Variants in CFAP61 observed in about 807,000 individuals in gnomAD.
CFAP61 encodes cilia and flagella associated protein 61.
Under a neutral mutation model 135.6 loss-of-function variants are expected in CFAP61, and 107 were observed. The ratio of observed to expected loss-of-function variants is 0.79; its 90% CI spans 0.67 to 0.93. The LOEUF is 0.93. Ranked by LOEUF, CFAP61 falls within the 40% of genes least tolerant of loss-of-function variation. The probability of loss-of-function intolerance (pLI) is 0.00; values close to 1 mark genes in which losing one functional copy is unlikely to be tolerated. For missense variants in CFAP61, 1,507 were observed against 1,556.2 expected (o/e 0.97, Z 0.53); for synonymous variants, 575 against 578.5 (o/e 0.99, Z 0.09).
chr20:20,304,508 C>T (rs1234042584), intron 25 of CFAP61, among the ~76,000 whole-genome samples: 1 of 151,648 alleles, frequency 6.6e-6, no homozygotes, highest in Non-Finnish European at 1.5e-5. Flanking sequence ...TCATGCACAC[C>T]TCACTCACAC....
intron 24 of CFAP61, among the ~76,000 whole-genome samples, chr20:20,297,378 G>A (rs1453919439): frequency 2.6e-5 from 4 of 152,144 alleles, no homozygotes; most frequent in African/African-American, 9.7e-5. Context: ...GTGTACTAAG[G>A]TCAGAGTCTA....
At chr20:20,284,957 C>T (rs1318879670) in intron 22 of CFAP61, among the ~76,000 whole-genome samples, 1 of 152,184 alleles carries the variant, frequency 6.6e-6, no homozygotes, top group African/African-American at 2.4e-5. Context: ...AGCTTCAGAG[C>T]ATTTATTGTA....
In CFAP61 at chr20:20,166,251, C is replaced by T. The variant is rs542470202; in HGVS notation, c.1206-146C>T. The T allele has an allele frequency of 5.0e-5, 32 of 642,736 alleles. No homozygotes were observed. The Admixed American group carries it at 5.7e-4, about 11-fold the overall frequency. 39.8% of individuals were successfully genotyped at this position (642,736 alleles called of 1,614,324 possible). On this transcript the variant is annotated intron_variant, in intron 11 of 26. Coordinates refer to ENST00000245957, the MANE Select transcript of CFAP61 (RefSeq NM_015585.4). Reference sequence around the variant, plus strand: ...ACATACGAAGCTTGCGACTTATGCACCCCATTAGTGTTCACCTAGACACAC... The same window carrying T: ...ACATACGAAGCTTGCGACTTATGCATCCCATTAGTGTTCACCTAGACACAC...
chr20:20,192,373 G>A (rs2055984934), intron 15 of CFAP61, among the ~76,000 whole-genome samples: 2 of 152,040 alleles, frequency 1.3e-5, no homozygotes, highest in African/African-American at 2.4e-5. Context: ...CCTGACTGAT[G>A]GGCACAGCAT....
chr20:20,136,574 T>C (rs1362854352), intron 8 of CFAP61, among the ~76,000 whole-genome samples: 2 of 152,254 alleles, frequency 1.3e-5, no homozygotes, highest in African/African-American at 4.8e-5. Context: ...CTCCAGAATT[T>C]CTGCATTATT....
At chr20:20,357,959 A>T (rs1189112846) in intron 26 of CFAP61, among the ~76,000 whole-genome samples, 1 of 39,940 alleles carries the variant, frequency 2.5e-5, no homozygotes, top group East Asian at 8.0e-4. Context: ...CACTGAGGGG[A>T]GGTGGTCATA....
intron 8 of CFAP61, among the ~76,000 whole-genome samples, chr20:20,101,361 C>T (rs1319758843): frequency 6.6e-6 from 1 of 152,142 alleles, no homozygotes; most frequent in East Asian, 1.9e-4. Flanking sequence ...TATGTAATCT[C>T]ATGTTATCCT....
At chr20:20,181,600 A>C (rs763966882) in intron 13 of CFAP61, among the ~76,000 whole-genome samples, 4 of 152,074 alleles carry the variant, frequency 2.6e-5, no homozygotes, top group Non-Finnish European at 5.9e-5. Context: ...CGGGCATTCA[A>C]GTACATCAGA....
At chr20:20,200,342 T>G (rs1350033273) in intron 17 of CFAP61, among the ~76,000 whole-genome samples, 1 of 151,550 alleles carries the variant, frequency 6.6e-6, no homozygotes, top group African/African-American at 2.4e-5. Flanking sequence ...GGGCCCCGGG[T>G]CCTAAGCTGG....
Position 20,277,404 on chromosome 20 carries a change from C to T in CFAP61, c.2742C>T (p.Pro914=). The T allele has an allele frequency of 6.2e-7, 1 of 1,614,070 alleles. No individual in the cohort carries two copies. Among genetic ancestry groups the T allele is most frequent in the East Asian group, 2.2e-5 (1 of 44,876 alleles). Residue 914 remains proline (P), a synonymous_variant, in exon 22 of 27, where the codon CCC becomes CCT. Transcript: ENST00000245957. The part of the protein sequence containing the change: ...AQWNDGLHPD[P]IYSASFTTPT... Reference sequence around the variant, plus strand: ...GGAATGACGGCCTGCACCCAGACCCCATCTACAGCGCCTCCTTCACCACAC... The same window carrying T: ...GGAATGACGGCCTGCACCCAGACCCTATCTACAGCGCCTCCTTCACCACAC...
At chr20:20,327,448 T>A (rs1489986735) in intron 25 of CFAP61, among the ~76,000 whole-genome samples, 1 of 152,126 alleles carries the variant, frequency 6.6e-6, no homozygotes, top group Non-Finnish European at 1.5e-5. Context: ...TCTTATTATC[T>A]TTCTTCCCTC....
intron 18 of CFAP61, among the ~76,000 whole-genome samples, chr20:20,240,860 T>C (rs187186052): frequency 1.3e-5 from 2 of 152,332 alleles, no homozygotes; most frequent in Admixed American, 1.3e-4. Context: ...GGCAGCACTC[T>C]CTGCCCATTT....
At chr20:20,151,682 T>C (rs920434895) in intron 9 of CFAP61, among the ~76,000 whole-genome samples, 2 of 151,486 alleles carry the variant, frequency 1.3e-5, no homozygotes, top group East Asian at 3.9e-4. Flanking sequence ...AAAACAAAAT[T>C]AGCCAAGTGT....
At chr20:20,204,264 A>G (rs914707510) in intron 17 of CFAP61, among the ~76,000 whole-genome samples, 1 of 152,178 alleles carries the variant, frequency 6.6e-6, no homozygotes, top group African/African-American at 2.4e-5. Context: ...TGGTCTGATT[A>G]AATCTCAACT....
At chr20:20,358,491 T>C (rs1325178490) in intron 26 of CFAP61, among the ~76,000 whole-genome samples, 1 of 152,224 alleles carries the variant, frequency 6.6e-6, no homozygotes, top group East Asian at 1.9e-4. Context: ...TTTGGTTGGT[T>C]TGATACAATT....
chr20:20,347,157 G>A (rs1410818249), intron 26 of CFAP61, among the ~76,000 whole-genome samples: 3 of 152,000 alleles, frequency 2.0e-5, no homozygotes, highest in Non-Finnish European at 2.9e-5. Flanking sequence ...CAACCAGTGG[G>A]TCAAAAAAGA....
intron 2 of CFAP61, among the ~76,000 whole-genome samples, chr20:20,066,779 C>T (rs1294753380): frequency 3.9e-5 from 6 of 151,964 alleles, no homozygotes; most frequent in South Asian, 2.1e-4. Context: ...TGTAACAAAC[C>T]TGTATGTTCT....
intron 26 of CFAP61, among the ~76,000 whole-genome samples, chr20:20,352,159 A>C (rs1244497585): frequency 6.6e-6 from 1 of 152,198 alleles, no homozygotes; most frequent in African/African-American, 2.4e-5. Flanking sequence ...TGGAAGGGGA[A>C]GCAAGCACCT....
intron 26 of CFAP61, among the ~76,000 whole-genome samples, chr20:20,350,560 T>A (rs1602141380): frequency 6.7e-6 from 1 of 148,252 alleles, no homozygotes; most frequent in African/African-American, 2.5e-5. Flanking sequence ...ACCCAGGAGG[T>A]GGATGTTGCA....
Sources: allele counts gnomAD v4.1 joint callset (sites outside exome capture counted in the v4.1 genomes callset), GRCh38; gene constraint gnomAD v4.1.1; transcripts MANE v1.5; gene names NCBI Gene and HGNC (gene_info 2026-07-23, HGNC 2026-07-21).